Variants in HERC1 observed in about 807,000 individuals in gnomAD.
The protein encoded by HERC1 is HECT and RLD domain containing E3 ubiquitin protein ligase family member 1, also known as probable E3 ubiquitin-protein ligase HERC1.
HERC1 carries 160 observed loss-of-function variants against 554.3 expected under a neutral mutation model. The observed-to-expected ratio is 0.29, with a 90% CI of 0.25 to 0.33. The LOEUF is 0.33. HERC1 is among the 10% of genes least tolerant of loss of function. HERC1 has a pLI of 1.00. For synonymous variants in HERC1, 2,175 were observed against 2,131.7 expected, an observed-to-expected ratio of 1.02 and a Z score of -0.56; for missense variants, 4,919 against 5,918.5, an observed-to-expected ratio of 0.83 and a Z score of 5.54.
At chr15:63,706,030 CAA>C (rs35213471) in intron 25 of HERC1, among the ~76,000 whole-genome samples, 568 of 46,770 alleles carry the variant, frequency 0.012, 4 homozygotes, top group African/African-American at 0.046. Context: ...ACCCTGTCTC[CAA>C]AAAAAAAAAA....
chr15:63,621,825 C>T (rs959914525), intron 74 of HERC1, among the ~76,000 whole-genome samples: 29 of 152,186 alleles, frequency 1.9e-4, no homozygotes, highest in Non-Finnish European at 3.2e-4. Flanking sequence ...TTTCGTGCCA[C>T]GGTTTTCAGC....
intron 12 of HERC1, among the ~76,000 whole-genome samples, chr15:63,736,332 T>C (rs1278033915): frequency 1.3e-5 from 2 of 152,194 alleles, no homozygotes; most frequent in African/African-American, 4.8e-5. Flanking sequence ...ATTGGGTGAT[T>C]TCAAGACAAA....
At chr15:63,759,075 A>G (rs2075524684) in intron 3 of HERC1, among the ~76,000 whole-genome samples, 1 of 152,202 alleles carries the variant, frequency 6.6e-6, no homozygotes, top group African/African-American at 2.4e-5. Context: ...TATTTGTTAT[A>G]TAGGCCATTT....
In HERC1 at chr15:63,634,799, A is replaced by G. The variant is rs1381717858; in HGVS notation, c.12504T>C (p.Leu4168=). The G allele has an allele frequency of 6.2e-7, 1 of 1,613,416 alleles. No homozygotes were observed. The highest frequency in any genetic ancestry group is 1.1e-5 in the South Asian group (1 of 90,948). Reference sequence around the variant, plus strand: ...GAAGTTTTTTGTTAGAGGTATTTCCAAGACCCAGACGACCATAGTCACCAT... The same window carrying G: ...GAAGTTTTTTGTTAGAGGTATTTCCGAGACCCAGACGACCATAGTCACCAT... The part of the protein sequence containing the change: ...FGNGDYGRLG[L]GNTSNKKLPE... Residue 4168 remains leucine, a synonymous_variant, in exon 66 of 78, where the codon CTT becomes CTC. Coordinates refer to ENST00000443617, the MANE Select transcript of HERC1 (RefSeq NM_003922.4).
At chr15:63,622,324 T>A (rs1428099595) in intron 74 of HERC1, among the ~76,000 whole-genome samples, 2 of 122,058 alleles carry the variant, frequency 1.6e-5, no homozygotes, top group Non-Finnish European at 3.4e-5. Context: ...AGTGCCTGTT[T>A]CCTTTTTTTT....
rs774619506 is a variant in HERC1 at position 63,698,948 on chromosome 15, A to C, written c.4685T>G (p.Leu1562Arg). 1.9e-5 allele frequency: 31 copies of C among 1,613,716 alleles called. No homozygotes were observed. The highest frequency in any genetic ancestry group is 2.5e-5 in the Non-Finnish European group (30 of 1,179,702). The change falls in exon 26 of 78, where the codon CTG becomes CGG. Residue 1562 changes from leucine to arginine, a missense_variant. Leu to Arg is a moderately radical substitution (Grantham distance 102, BLOSUM62 -2). This residue lies in a region of HERC1 where 1,121 missense variants were observed against 1,244.0 expected (regional missense o/e 0.90). Transcript: ENST00000443617. ...GCATAACCAGTCTCTGCTATGTTTC[A>C]GGCGAGCCCAAGAGTCACTCAGGGA... ...LESLSDSWAR[L>R]KHSRDWLCNS...
intron 61 of HERC1, 26 bp downstream of exon 61, chr15:63,640,126 A>G (rs1440685634): frequency 6.2e-7 from 1 of 1,603,058 alleles, no homozygotes; most frequent in African/African-American, 1.3e-5. Context: ...TCAGCTGCAA[A>G]TAATAGCAGC....
At position 63,734,866 on chromosome 15, in the gene HERC1, A is replaced by G. The variant is rs77339802; in HGVS notation, c.2521-17T>C. On this transcript the variant is annotated splice_polypyrimidine_tract_variant and intron_variant, in intron 12 of 77. Transcript: ENST00000443617. This position sits in a 1 kb window ranked among gnomAD's most constrained non-coding sequence, Gnocchi z 4.6. ...AATTACCACCTAATATCAAAAGAGA[A>G]AAGTATACTGATTGGCCTGGTTCTT... 9,398 of 1,604,530 alleles carry G rather than the reference A, an allele frequency of 5.9e-3. 457 individuals are homozygous for G. In the African/African-American group the frequency reaches 0.11, roughly 18 times the overall value.
At chr15:63,693,767 C>G (rs1320824109) in intron 30 of HERC1, among the ~76,000 whole-genome samples, 197 bp downstream of exon 30, 2 of 152,114 alleles carry the variant, frequency 1.3e-5, no homozygotes, top group Non-Finnish European at 2.9e-5. Context: ...TGAGGGTTAA[C>G]AGACTCTAAG....
rs1487537020 is a variant in HERC1 at position 63,655,935 on chromosome 15, T to C, written c.9891A>G (p.Thr3297=). ...CATCAACTGTGGTTAGATTTACACC[T>C]GTTGCAGCAGAAATCAAGTTCTGAA... The part of the protein sequence containing the change: ...LCTQNLISAA[T]GVNLTTVDDS... Residue 3297 remains threonine (T), a synonymous_variant, in exon 50 of 78, where the codon ACA becomes ACG. Coordinates refer to ENST00000443617, the MANE Select transcript of HERC1 (RefSeq NM_003922.4). The C allele has an allele frequency of 6.2e-7, 1 of 1,612,230 alleles. No individual in the cohort carries two copies. Among genetic ancestry groups the C allele is most frequent in the African/African-American group, 1.3e-5 (1 of 74,942 alleles).
At position 63,623,879 on chromosome 15, in the gene HERC1, C is replaced by T. The variant is rs781550672; in HGVS notation, c.13457G>A (p.Cys4486Tyr). ...VKRISTRGRK[C>Y]KPIFVQIARQ... ...CGCTATTTGGACAAAAATAGGCTTA[C>T]ACTTCCGTCCTCTTTAAAAGAAAGG... is the stretch of plus-strand genomic sequence containing the variant. Residue 4486 changes from cysteine (C) to tyrosine (Y), a missense_variant, in exon 73 of 78, where the codon TGT becomes TAT. Cys to Tyr is a radical substitution (Grantham distance 194, BLOSUM62 -2). Around this residue, in one of 11 missense-constraint regions of HERC1, gnomAD observed 410 missense variants for 467.0 expected, o/e 0.88. Coordinates refer to ENST00000443617, the MANE Select transcript of HERC1 (RefSeq NM_003922.4). 2 of 1,613,722 alleles carry T rather than the reference C, an allele frequency of 1.2e-6. No individual in the cohort carries two copies. Among genetic ancestry groups the T allele is most frequent in the African/African-American group, 1.3e-5 (1 of 74,920 alleles).
chr15:63,686,339 C>A lies in HERC1; in HGVS notation c.6225+20G>T. ...GGACTAAAAGACAAAATGCTAAAAA[C>A]TATTAGATTTTCTACGTACCTTCCA... is the stretch of plus-strand genomic sequence containing the variant. On this transcript the variant is annotated intron_variant, in intron 34 of 77. Transcript: ENST00000443617. 1 of 1,553,750 alleles carries A rather than the reference C, an allele frequency of 6.4e-7. No homozygotes were observed. Among genetic ancestry groups the A allele is most frequent in the Non-Finnish European group, 8.7e-7 (1 of 1,151,968 alleles).
At chr15:63,801,441 A>G (rs1365087573) in intron 1 of HERC1, among the ~76,000 whole-genome samples, 1 of 152,210 alleles carries the variant, frequency 6.6e-6, no homozygotes, top group African/African-American at 2.4e-5. Context: ...TGGTATCTGG[A>G]AAGTTGAAGA....
At chr15:63,833,490 G>A (rs553258707) in intron 1 of HERC1, among the ~76,000 whole-genome samples, 1 of 152,210 alleles carries the variant, frequency 6.6e-6, no homozygotes, top group African/African-American at 2.4e-5. Flanking sequence ...CGACCACAGC[G>A]GGGCCGGGGC....
At chr15:63,832,597 T>A (rs920341038) in intron 1 of HERC1, among the ~76,000 whole-genome samples, 3 of 152,152 alleles carry the variant, frequency 2.0e-5, no homozygotes, top group Non-Finnish European at 4.4e-5. Flanking sequence ...AAATATAATA[T>A]ATACATAGGT....
In HERC1 at chr15:63,615,547, C is replaced by T. The variant is rs558009644; in HGVS notation, c.14094+221G>A. 6.6e-5 allele frequency among the ~76,000 whole-genome samples: 10 copies of T among 152,340 alleles called. No individual in the cohort carries two copies. In the East Asian group the frequency reaches 1.7e-3, roughly 26 times the overall value. On this transcript the variant is annotated intron_variant, in intron 76 of 77. Transcript: ENST00000443617. ...ATCACTTGAACCCAGGAGGCAGAGG[C>T]TGCAGTGAGCTGAGACTGAACCACT...
At chr15:63,782,553 G>A (rs2076317987) in intron 1 of HERC1, among the ~76,000 whole-genome samples, 1 of 152,194 alleles carries the variant, frequency 6.6e-6, no homozygotes, top group Non-Finnish European at 1.5e-5. Flanking sequence ...TACTGGAGAT[G>A]TACAAGGAGA....
chr15:63,693,686 A>G (rs1292429443), intron 30 of HERC1, among the ~76,000 whole-genome samples: 16 of 152,158 alleles, frequency 1.1e-4, no homozygotes, highest in Non-Finnish European at 2.1e-4. Context: ...CAATCATCTA[A>G]AATCTAGGTC....
At chr15:63,800,409 T>C (rs2076942257) in intron 1 of HERC1, among the ~76,000 whole-genome samples, 1 of 152,218 alleles carries the variant, frequency 6.6e-6, no homozygotes, top group African/African-American at 2.4e-5. Context: ...TCAGGAACTT[T>C]GCACAGGCAG....
Sources: gnomAD v4.1 joint callset for allele counts (sites outside exome capture counted in the v4.1 genomes callset) on GRCh38, gnomAD v4.1.1 for gene constraint, gnomAD v4.1.1 regional missense constraint, Gnocchi (gnomAD v3.1) non-coding constraint, MANE v1.5 for transcripts, NCBI Gene and HGNC (gene_info 2026-07-23, HGNC 2026-07-21) for gene names.